MAGI1: variants seen among roughly 807,000 people sequenced by gnomAD.
The protein encoded by MAGI1 is membrane associated guanylate kinase, WW and PDZ domain containing 1, also known as membrane-associated guanylate kinase, WW and PDZ domain-containing protein 1.
In MAGI1, 58 loss-of-function variants were observed where a neutral mutation model predicts 139.9. The ratio of observed to expected loss-of-function variants is 0.41; its 90% CI spans 0.34 to 0.52. MAGI1 has a LOEUF of 0.52. Ranked by LOEUF, MAGI1 falls within the 20% of genes least tolerant of loss-of-function variation. MAGI1 has a pLI of 0.12. For missense variants in MAGI1, 1,874 were observed against 1,901.6 expected (o/e 0.99, Z 0.27); for synonymous variants, 812 against 737.9 (o/e 1.10, Z -1.63).
intron 1 of MAGI1, among the ~76,000 whole-genome samples, chr3:65,896,260 T>C (rs1399631201): frequency 1.3e-5 from 2 of 151,232 alleles, no homozygotes; most frequent in Non-Finnish European, 2.9e-5. Flanking sequence ...GCGTATATAA[T>C]AAGTATTTTT....
At chr3:65,868,562 C>A (rs1465542259) in intron 1 of MAGI1, among the ~76,000 whole-genome samples, 1 of 152,180 alleles carries the variant, frequency 6.6e-6, no homozygotes, top group Non-Finnish European at 1.5e-5. Context: ...CAAATGCACT[C>A]AGCATATATC....
intron 9 of MAGI1, among the ~76,000 whole-genome samples, chr3:65,437,623 A>G (rs938105312): frequency 6.6e-6 from 1 of 152,114 alleles, no homozygotes. Context: ...TGTCTTAGGT[A>G]GGGAGGAAGA....
At chr3:65,861,226 G>A (rs1264615680) in intron 1 of MAGI1, among the ~76,000 whole-genome samples, 1 of 152,208 alleles carries the variant, frequency 6.6e-6, no homozygotes, top group Non-Finnish European at 1.5e-5. Context: ...CGTGGAGGCT[G>A]AAGAAGGCTG....
At chr3:65,844,125 C>T (rs2058902022) in intron 1 of MAGI1, 1 of 519,136 alleles carries the variant, frequency 1.9e-6, no homozygotes, top group African/African-American at 1.9e-5. Flanking sequence ...TGGGGCTGGA[C>T]ACTGGGTCGG....
intron 1 of MAGI1, among the ~76,000 whole-genome samples, chr3:65,923,842 T>G (rs1444614857): frequency 6.6e-6 from 1 of 152,188 alleles, no homozygotes. Flanking sequence ...AGAGCGTTGT[T>G]TCCTCATTAC....
intron 1 of MAGI1, among the ~76,000 whole-genome samples, chr3:65,943,544 G>A (rs1159487927): frequency 6.6e-6 from 1 of 150,926 alleles, no homozygotes; most frequent in African/African-American, 2.4e-5. Flanking sequence ...CTGCACTCCA[G>A]CCCAGGTGAC....
chr3:65,843,259 G>A (rs1184778706), intron 1 of MAGI1, among the ~76,000 whole-genome samples: 1 of 152,156 alleles, frequency 6.6e-6, no homozygotes, highest in East Asian at 1.9e-4. Context: ...TGGCAGCCCT[G>A]TCAAGAGGTC....
intron 14 of MAGI1, among the ~76,000 whole-genome samples, chr3:65,385,321 A>G (rs1297236748): frequency 6.6e-6 from 1 of 152,212 alleles, no homozygotes; most frequent in Non-Finnish European, 1.5e-5. Context: ...TTTATGACCT[A>G]TAAAATGATA....
At chr3:65,898,799 T>A (rs1163525445) in intron 1 of MAGI1, among the ~76,000 whole-genome samples, 2 of 152,214 alleles carry the variant, frequency 1.3e-5, no homozygotes, top group Admixed American at 1.3e-4. Context: ...ATGGATATGC[T>A]AATTACCCTG....
chr3:65,753,143 C>G lies in MAGI1; in HGVS notation c.314-131055G>C, dbSNP rs529995988. The stretch of plus-strand genomic sequence containing the variant: ...GTGCAACACCAAAGATGGCAGAGAC[C>G]GAGATGAGAAAATCTGGGAAGATCT... On this transcript the variant is annotated intron_variant, in intron 1 of 22. Transcript: ENST00000402939. Among the ~76,000 whole-genome samples the G allele has an allele frequency of 3.9e-5, 6 of 152,108 alleles. No homozygotes were observed. The South Asian group carries it at 1.0e-3, about 26-fold the overall frequency.
At chr3:65,891,884 TAATATATATATATATATATATATA>T (rs1449327293) in intron 1 of MAGI1, among the ~76,000 whole-genome samples, 3 of 85,854 alleles carry the variant, frequency 3.5e-5, no homozygotes, top group African/African-American at 1.4e-4. Context: ...ACTTAAAGTA[TAATATATATATATATATATATATA>T]TATATATATA....
intron 2 of MAGI1, among the ~76,000 whole-genome samples, chr3:65,508,802 T>G (rs1211529881): frequency 6.6e-6 from 1 of 152,228 alleles, no homozygotes; most frequent in Non-Finnish European, 1.5e-5. Context: ...GTGTTTTGTT[T>G]CATGTGTATT....
intron 22 of MAGI1, chr3:65,360,659 G>A (rs947239084): frequency 1.0e-6 from 1 of 986,394 alleles, no homozygotes; most frequent in Non-Finnish European, 1.2e-6. Flanking sequence ...GGCTCAGATG[G>A]TCTGATTTGG....
chr3:65,825,963 G>C (rs1191033420), intron 1 of MAGI1, among the ~76,000 whole-genome samples: 1 of 152,000 alleles, frequency 6.6e-6, no homozygotes, highest in African/African-American at 2.4e-5. Flanking sequence ...CTCCAGCCTG[G>C]GCGACAGAGC....
At chr3:65,960,344 G>A (rs1298740593) in intron 1 of MAGI1, among the ~76,000 whole-genome samples, 2 of 152,096 alleles carry the variant, frequency 1.3e-5, no homozygotes, top group East Asian at 3.9e-4. Context: ...CTTCTGCTGG[G>A]AAAACCTCCA....
intron 5 of MAGI1, among the ~76,000 whole-genome samples, chr3:65,457,081 A>G (rs1559570362): frequency 6.6e-6 from 1 of 152,184 alleles, no homozygotes; most frequent in Non-Finnish European, 1.5e-5. Flanking sequence ...TGTATCTACA[A>G]AAAGACTGAG....
intron 2 of MAGI1, among the ~76,000 whole-genome samples, chr3:65,572,431 T>C (rs1485508638): frequency 6.6e-6 from 1 of 152,058 alleles, no homozygotes; most frequent in Non-Finnish European, 1.5e-5. Flanking sequence ...TTCTATTGCA[T>C]TGCACAAAAT....
chr3:65,528,536 A>G (rs2078493340), intron 2 of MAGI1, among the ~76,000 whole-genome samples: 1 of 152,238 alleles, frequency 6.6e-6, no homozygotes, highest in African/African-American at 2.4e-5. Flanking sequence ...GGGTCACAGA[A>G]CCATCTGCAT....
chr3:65,858,290 A>G (rs1468944783), intron 1 of MAGI1, among the ~76,000 whole-genome samples: 1 of 152,206 alleles, frequency 6.6e-6, no homozygotes, highest in Non-Finnish European at 1.5e-5. Flanking sequence ...CAAAGAACTC[A>G]CTGCTCCATG....
Sources: allele counts gnomAD v4.1 joint callset (sites outside exome capture counted in the v4.1 genomes callset), GRCh38; gene constraint gnomAD v4.1.1; transcripts MANE v1.5; gene names NCBI Gene and HGNC (gene_info 2026-07-23, HGNC 2026-07-21).